DAB2IP: variants seen among roughly 807,000 people sequenced by gnomAD.
DAB2IP encodes disabled homolog 2-interacting protein.
DAB2IP carries 28 observed loss-of-function variants against 107.2 expected under a neutral mutation model. The ratio of observed to expected loss-of-function variants is 0.26; its 90% CI spans 0.19 to 0.36. DAB2IP has a LOEUF of 0.36. DAB2IP is among the 10% of genes least tolerant of loss of function. DAB2IP has a pLI of 1.00. For synonymous variants in DAB2IP, 755 were observed against 706.4 expected (o/e 1.07, Z -1.09); for missense variants, 1,400 against 1,644.7 (o/e 0.85, Z 2.57).
At chr9:121,631,829 A>AG (rs1831896943) in intron 1 of DAB2IP, among the ~76,000 whole-genome samples, 1 of 151,038 alleles carries the variant, frequency 6.6e-6, no homozygotes, top group Non-Finnish European at 1.5e-5. Context: ...AAAAAAAAAA[A>AG]AAAAAAAAAA....
At chr9:121,572,011 T>A in intron 1 of DAB2IP, among the ~76,000 whole-genome samples, 1 of 152,100 alleles carries the variant, frequency 6.6e-6, no homozygotes, top group Admixed American at 6.5e-5. Flanking sequence ...CTGTCCCCTC[T>A]GGTGCCAGCC....
At chr9:121,637,182 C>T (rs530946098) in intron 1 of DAB2IP, among the ~76,000 whole-genome samples, 4 of 152,168 alleles carry the variant, frequency 2.6e-5, no homozygotes, top group African/African-American at 4.8e-5. Flanking sequence ...GCTTGATTTC[C>T]CCATCTGCAA....
chr9:121,588,030 T>G (rs942981912), intron 1 of DAB2IP, among the ~76,000 whole-genome samples: 2 of 152,232 alleles, frequency 1.3e-5, no homozygotes, highest in African/African-American at 4.8e-5. Context: ...GCACACAGCC[T>G]GGTAAACTCC....
chr9:121,696,916 G>A (rs866674868), intron 2 of DAB2IP, among the ~76,000 whole-genome samples: 1 of 152,188 alleles, frequency 6.6e-6, no homozygotes, highest in Non-Finnish European at 1.5e-5. Flanking sequence ...TGAGCTCCCT[G>A]ACCTCTTGAA....
In DAB2IP at chr9:121,705,710, A is replaced by G. The variant is rs556376134; in HGVS notation, c.362+6252A>G. 2.6e-5 allele frequency among the ~76,000 whole-genome samples: 4 copies of G among 151,776 alleles called. No homozygotes were observed. The South Asian group carries it at 8.3e-4, about 32-fold the overall frequency. ...CTTGGGGAGAACTTCCCAGAGAGCA[A>G]CTCTTTGCCTCCCCTCTCACCTTCG... On this transcript the variant is annotated intron_variant, in intron 3 of 15. Coordinates refer to ENST00000408936, the Ensembl canonical transcript of DAB2IP.
rs59290421 is a variant in DAB2IP, at chr9:121,666,867, AACACACACACAC to A, written c.125-11773_125-11762del. The stretch of plus-strand genomic sequence containing the variant: ...GGCTTCATCCCCTATCCCCAGCCCC[AACACACACACAC>A]ACACACACACACACACACACACACA... On this transcript the variant is annotated intron_variant, in intron 1 of 15. Transcript: ENST00000408936. Among the ~76,000 whole-genome samples, 104 of 128,670 alleles carry A rather than the reference AACACACACACAC, an allele frequency of 8.1e-4. 2 individuals carry two copies. The highest frequency in any genetic ancestry group is 4.6e-3 in the Admixed American group (59 of 12,872). 84.4% of individuals were successfully genotyped at this position (128,670 alleles called of 152,430 possible). A position where few individuals can be genotyped will look rare whatever the true frequency, so the allele number is the denominator to read the frequency against.
At chr9:121,668,660 T>C (rs1401603624) in intron 1 of DAB2IP, among the ~76,000 whole-genome samples, 1 of 152,224 alleles carries the variant, frequency 6.6e-6, no homozygotes, top group Non-Finnish European at 1.5e-5. Flanking sequence ...CACCTATTTA[T>C]ATTTTAATTT....
chr9:121,712,937 C>T (rs185890443), intron 3 of DAB2IP, among the ~76,000 whole-genome samples: 10 of 152,324 alleles, frequency 6.6e-5, no homozygotes, highest in East Asian at 3.9e-4. Flanking sequence ...CCATCCACAC[C>T]GGCACTCCAG....
At chr9:121,659,251 CTG>C (rs1489805318) in intron 1 of DAB2IP, among the ~76,000 whole-genome samples, 1 of 152,154 alleles carries the variant, frequency 6.6e-6, no homozygotes, top group Non-Finnish European at 1.5e-5. Flanking sequence ...GGTTCGGAGA[CTG>C]GAAACCAATA....
At chr9:121,627,379 C>CTT (rs35147565) in intron 1 of DAB2IP, among the ~76,000 whole-genome samples, 5 of 143,210 alleles carry the variant, frequency 3.5e-5, no homozygotes, top group South Asian at 4.5e-4. Flanking sequence ...AGTTTTGGTG[C>CTT]TTTTTTTTTT....
intron 1 of DAB2IP, among the ~76,000 whole-genome samples, chr9:121,602,333 C>T (rs545746573): frequency 6.6e-6 from 1 of 152,246 alleles, no homozygotes; most frequent in South Asian, 2.1e-4. Flanking sequence ...ACCTGTGGCA[C>T]CCCCAAGATC....
chr9:121,644,592 T>G (rs1334929764), intron 1 of DAB2IP, among the ~76,000 whole-genome samples: 1 of 144,638 alleles, frequency 6.9e-6, no homozygotes, highest in Non-Finnish European at 1.5e-5. Flanking sequence ...AGACTCCATC[T>G]CAAAAAAAAA....
rs536280778 is a variant in DAB2IP, at chr9:121,578,805, A to T, written c.40+11577A>T. Among the ~76,000 whole-genome samples the T allele has an allele frequency of 3.4e-5, 4 of 118,912 alleles. No homozygotes were observed. In the South Asian group the frequency reaches 1.1e-3, roughly 33 times the overall value. The allele number at this position is 118,912 out of a possible 152,430, so 78.0% of individuals were successfully genotyped here. ...ACCCAGGCTGGAGTGCAGAGGCACGATCTTGGCTCACTGCAACCTCCACCT... is the reference window on the plus strand; with the variant it reads ...ACCCAGGCTGGAGTGCAGAGGCACGTTCTTGGCTCACTGCAACCTCCACCT... On this transcript the variant is annotated intron_variant, in intron 1 of 16. Coordinates refer to the DAB2IP transcript ENST00000259371.
chr9:121,674,112 G>A (rs1367962282), intron 1 of DAB2IP, among the ~76,000 whole-genome samples: 1 of 152,238 alleles, frequency 6.6e-6, no homozygotes, highest in Non-Finnish European at 1.5e-5. Context: ...AGGGGAGAGC[G>A]TGGTTGCTGG....
chr9:121,775,069 G>A (rs1018154189), intron 13 of DAB2IP, among the ~76,000 whole-genome samples: 14 of 152,216 alleles, frequency 9.2e-5, no homozygotes, highest in Admixed American at 3.3e-4. Flanking sequence ...GGGATGCTTC[G>A]TTGGTCTCCC....
intron 1 of DAB2IP, among the ~76,000 whole-genome samples, chr9:121,656,406 T>G (rs1370070200): frequency 1.3e-5 from 2 of 151,638 alleles, no homozygotes; most frequent in Non-Finnish European, 2.9e-5. Flanking sequence ...GGTGGGGGGG[T>G]TTTGTGGTTC....
At chr9:121,749,286 C>G (rs1166950253) in intron 3 of DAB2IP, among the ~76,000 whole-genome samples, 1 of 152,242 alleles carries the variant, frequency 6.6e-6, no homozygotes, top group Non-Finnish European at 1.5e-5. Context: ...CGTTTGATTC[C>G]CAGCAGGTCA....
chr9:121,576,909 G>T (rs574251650), intron 1 of DAB2IP, among the ~76,000 whole-genome samples: 1 of 152,128 alleles, frequency 6.6e-6, no homozygotes, highest in Non-Finnish European at 1.5e-5. Context: ...CCTTCCCAGC[G>T]TGTGTCAGAA....
intron 3 of DAB2IP, among the ~76,000 whole-genome samples, chr9:121,743,533 C>G (rs1832503610): frequency 6.6e-6 from 1 of 151,846 alleles, no homozygotes; most frequent in Non-Finnish European, 1.5e-5. Flanking sequence ...AAGCACATTA[C>G]AGAGAGTTGG....
Sources: gnomAD v4.1 joint callset for allele counts (sites outside exome capture counted in the v4.1 genomes callset) on GRCh38, gnomAD v4.1.1 for gene constraint, MANE v1.5 for transcripts, NCBI Gene and HGNC (gene_info 2026-07-23, HGNC 2026-07-21) for gene names.